Variants in DPY19L2 observed in about 807,000 individuals in gnomAD.
The protein encoded by DPY19L2 is probable C-mannosyltransferase DPY19L2.
In DPY19L2, 34 loss-of-function variants were observed where a neutral mutation model predicts 97.9. That is an observed-to-expected ratio of 0.35 (90% CI 0.26 to 0.46). DPY19L2 has a LOEUF of 0.46. Among genes scored for constraint, DPY19L2 ranks in the 20% least tolerant of loss-of-function variants. The pLI is 1.00. For synonymous variants in DPY19L2, 230 were observed against 307.9 expected (o/e 0.75, Z 2.65); for missense variants, 623 against 911.4 (o/e 0.68, Z 4.07).
intron 4 of DPY19L2, among the ~76,000 whole-genome samples, chr12:63,654,540 T>C (rs1894707186): frequency 6.6e-6 from 1 of 152,106 alleles, no homozygotes; most frequent in Non-Finnish European, 1.5e-5. Context: ...AGAGATATAT[T>C]GACAAATGGG....
chr12:63,651,700 C>T (rs1894255171), intron 4 of DPY19L2: 2 of 453,358 alleles, frequency 4.4e-6, no homozygotes, highest in South Asian at 1.8e-5. Context: ...CAGAAGTATG[C>T]TGGAAAGGAT....
Position 63,560,461 on chromosome 12 carries a change from A to T in DPY19L2, c.*51T>A. The T allele has an allele frequency of 6.3e-7, 1 of 1,579,374 alleles. No individual in the cohort carries two copies. Among genetic ancestry groups the T allele is most frequent in the Non-Finnish European group, 8.6e-7 (1 of 1,160,056 alleles). On this transcript the variant is annotated 3_prime_UTR_variant, in exon 22 of 22. Coordinates refer to ENST00000324472, the MANE Select transcript of DPY19L2 (RefSeq NM_173812.5). ...ATTAATGTGAATAAGCCAAAGGGTGATTGTTTTTGACACACGGCATTGTGC... is the reference window on the plus strand; with the variant it reads ...ATTAATGTGAATAAGCCAAAGGGTGTTTGTTTTTGACACACGGCATTGTGC...
At chr12:63,609,999 T>A (rs1338115092) in intron 11 of DPY19L2, among the ~76,000 whole-genome samples, 1 of 151,062 alleles carries the variant, frequency 6.6e-6, no homozygotes. Flanking sequence ...GGAGAGTGAC[T>A]GAATTACAGT....
chr12:63,576,567 A>G (rs2137326268), intron 19 of DPY19L2, among the ~76,000 whole-genome samples: 1 of 152,062 alleles, frequency 6.6e-6, no homozygotes, highest in Middle Eastern at 3.4e-3. Context: ...CCAAAAAAAA[A>G]ACTATTAGAA....
At position 63,610,386 on chromosome 12, in the gene DPY19L2, A is replaced by ACTTCTG. The variant is rs564032828; in HGVS notation, c.1219-1717_1219-1712dup. Among the ~76,000 whole-genome samples, 456 of 151,946 alleles carry ACTTCTG rather than the reference A, an allele frequency of 3.0e-3. 4 individuals carry two copies. The highest frequency in any genetic ancestry group is 0.01 in the African/African-American group (432 of 41,506). On this transcript the variant is annotated intron_variant, in intron 11 of 21. Coordinates refer to ENST00000324472, the MANE Select transcript of DPY19L2 (RefSeq NM_173812.5). ...AGTAACTAAAATCAATCAGAATGAA[A>ACTTCTG]CTTCTGCTTCTGTCCAAGTTTGTAT...
intron 11 of DPY19L2, among the ~76,000 whole-genome samples, chr12:63,609,046 C>T (rs931495871): frequency 7.9e-5 from 12 of 152,198 alleles, no homozygotes; most frequent in African/African-American, 2.9e-4. Context: ...AATCCTTCCT[C>T]TCCAAACTGC....
intron 6 of DPY19L2, among the ~76,000 whole-genome samples, chr12:63,633,696 C>T (rs1891121482): frequency 6.6e-6 from 1 of 152,088 alleles, no homozygotes; most frequent in African/African-American, 2.4e-5. Flanking sequence ...CCGTTTGACC[C>T]AGCCATCCCA....
chr12:63,633,521 C>T (rs1891091788), intron 6 of DPY19L2, among the ~76,000 whole-genome samples: 1 of 152,160 alleles, frequency 6.6e-6, no homozygotes. Context: ...GAGATACCAT[C>T]TCACACCAGT....
At chr12:63,567,032 T>G (rs1877858544) in intron 21 of DPY19L2, among the ~76,000 whole-genome samples, 1 of 152,098 alleles carries the variant, frequency 6.6e-6, no homozygotes, top group Non-Finnish European at 1.5e-5. Context: ...CTGGCTTTCT[T>G]GACATATAAC....
At chr12:63,566,231 T>TA (rs992030045) in intron 21 of DPY19L2, among the ~76,000 whole-genome samples, 4 of 151,460 alleles carry the variant, frequency 2.6e-5, no homozygotes, top group African/African-American at 9.7e-5. Context: ...TTTGTTTTTT[T>TA]AAAAAAACTT....
At chr12:63,578,297 T>C (rs989823170) in intron 19 of DPY19L2, among the ~76,000 whole-genome samples, 14 of 151,154 alleles carry the variant, frequency 9.3e-5, no homozygotes, top group African/African-American at 3.4e-4. Context: ...AGAATGATGG[T>C]TACCAGAGGC....
At chr12:63,598,268 A>C (rs969002770) in intron 13 of DPY19L2, among the ~76,000 whole-genome samples, 4 of 152,160 alleles carry the variant, frequency 2.6e-5, no homozygotes, top group African/African-American at 7.2e-5. Context: ...TATTTTACTT[A>C]ACCTCTTTCA....
intron 8 of DPY19L2, 136 bp downstream of exon 8, chr12:63,623,904 A>G: frequency 1.7e-6 from 1 of 587,842 alleles, no homozygotes; most frequent in Non-Finnish European, 3.1e-6. Flanking sequence ...TGGTTTCACC[A>G]TGTTGGCCAG....
Position 63,619,848 on chromosome 12 carries a change from T to C in DPY19L2, c.1053+1390A>G, listed in dbSNP as rs189117357. The C allele has an allele frequency of 8.7e-3, 3,491 of 402,698 alleles. 92 individuals carry two copies. The highest frequency in any genetic ancestry group is 0.055 in the African/African-American group (2,631 of 47,848). 24.9% of individuals were successfully genotyped at this position (402,698 alleles called of 1,614,324 possible). A position where few individuals can be genotyped will look rare whatever the true frequency, so the allele number is the denominator to read the frequency against. On this transcript the variant is annotated intron_variant, in intron 9 of 21. Transcript: ENST00000324472. ...TCATCAGTATCACTGGATTAATAAA[T>C]TTGCTTGCAATGAAATGATGCTCAT...
intron 6 of DPY19L2, among the ~76,000 whole-genome samples, chr12:63,635,355 A>C (rs1260065786): frequency 6.6e-6 from 1 of 152,174 alleles, no homozygotes; most frequent in Non-Finnish European, 1.5e-5. Context: ...AAAGCTGAAA[A>C]TTCTAAAAAC....
At chr12:63,626,374 A>C in intron 7 of DPY19L2, 95 bp downstream of exon 7, 3 of 1,327,090 alleles carry the variant, frequency 2.3e-6, no homozygotes, top group Non-Finnish European at 3.1e-6. Context: ...TGAAGTCATA[A>C]GTAGTATACA....
At chr12:63,625,039 T>C (rs538301342) in intron 7 of DPY19L2, among the ~76,000 whole-genome samples, 5 of 152,326 alleles carry the variant, frequency 3.3e-5, no homozygotes, top group African/African-American at 9.6e-5. Flanking sequence ...ATTTTATGTA[T>C]AATTTTTATG....
At chr12:63,589,388 A>AAAAAAAAAAAAAAAAAAAAAAAT (rs1882470717) in intron 16 of DPY19L2, among the ~76,000 whole-genome samples, 1 of 132,698 alleles carries the variant, frequency 7.5e-6, no homozygotes, top group Non-Finnish European at 1.6e-5. Context: ...AAAAAAAAAA[A>AAAAAAAAAAAAAAAAAAAAAAAT]AAAAGTAAAG....
chr12:63,613,630 G>A (rs1887367506), intron 11 of DPY19L2, among the ~76,000 whole-genome samples: 1 of 151,646 alleles, frequency 6.6e-6, no homozygotes, highest in Non-Finnish European at 1.5e-5. Flanking sequence ...TAGAAAAACT[G>A]AGAAATGAGC....
Sources: gnomAD v4.1 joint callset for allele counts (sites outside exome capture counted in the v4.1 genomes callset) on GRCh38, gnomAD v4.1.1 for gene constraint, MANE v1.5 for transcripts, NCBI Gene and HGNC (gene_info 2026-07-23, HGNC 2026-07-21) for gene names.